The following ZNF831 variants were observed in gnomAD, a reference collection of about 807,000 sequenced individuals.
ZNF831 encodes chromosome 20 open reading frame 174.
Under a neutral mutation model 95.8 loss-of-function variants are expected in ZNF831, and 59 were observed. The observed-to-expected ratio is 0.62, with a 90% CI of 0.50 to 0.77. The LOEUF (loss-of-function observed/expected upper bound fraction) is 0.77. Ranked by LOEUF, ZNF831 falls within the 30% of genes least tolerant of loss-of-function variation. ZNF831 has a pLI of 0.00. For missense variants in ZNF831, 2,205 were observed against 2,164.0 expected (o/e 1.02, Z -0.38); for synonymous variants, 961 against 925.5 (o/e 1.04, Z -0.70).
At chr20:59,200,737 G>A (rs1017728968) in intron 3 of ZNF831, among the ~76,000 whole-genome samples, 8 of 151,794 alleles carry the variant, frequency 5.3e-5, no homozygotes, top group African/African-American at 1.9e-4. Flanking sequence ...TACAATATAT[G>A]CTCTCTTTTT....
chr20:59,209,173 C>CT (rs556835930), intron 4 of ZNF831, among the ~76,000 whole-genome samples: 81 of 152,326 alleles, frequency 5.3e-4, no homozygotes, highest in African/African-American at 1.8e-3. Flanking sequence ...TGTCGACGGT[C>CT]TGTCAGTGTG....
chr20:59,155,269 A>G (rs1484516872), intron 2 of ZNF831, among the ~76,000 whole-genome samples: 1 of 152,246 alleles, frequency 6.6e-6, no homozygotes, highest in East Asian at 1.9e-4. Context: ...AGTAGGAGGA[A>G]GGGAAGGAAG....
intron 1 of ZNF831, among the ~76,000 whole-genome samples, chr20:59,130,144 T>G (rs1399859390): frequency 1.3e-5 from 2 of 152,152 alleles, no homozygotes; most frequent in African/African-American, 4.8e-5. Context: ...AGGAAGGGCC[T>G]GGCACTTGGT....
At position 59,180,416 on chromosome 20, in the gene ZNF831, A is replaced by G. The variant is rs978087558; in HGVS notation, c.-36-10568A>G. On this transcript the variant is annotated intron_variant, in intron 1 of 5. Coordinates refer to ENST00000371030, the MANE Select transcript of ZNF831 (RefSeq NM_178457.3). ...TGTGCAGAACGTGCAGGCTTGTTAC[A>G]TAGGTATACATGTGCCATGGTGGTT... is the stretch of plus-strand genomic sequence containing the variant. 2.4e-4 allele frequency among the ~76,000 whole-genome samples: 37 copies of G among 152,272 alleles called. 1 individual carries two copies. Among genetic ancestry groups the G allele is most frequent in the African/African-American group, 8.4e-4 (35 of 41,554 alleles).
intron 4 of ZNF831, among the ~76,000 whole-genome samples, chr20:59,230,970 C>A (rs1986689427): frequency 6.6e-6 from 1 of 152,192 alleles, no homozygotes; most frequent in South Asian, 2.1e-4. Flanking sequence ...TTTCTTCTGT[C>A]CTGTTCCTCT....
intron 2 of ZNF831, among the ~76,000 whole-genome samples, chr20:59,152,871 A>G (rs1980326547): frequency 6.6e-6 from 1 of 152,150 alleles, no homozygotes; most frequent in African/African-American, 2.4e-5. Context: ...GCTGGCCTAC[A>G]TGGGCCCTGC....
chr20:59,133,311 C>T (rs1053092140), intron 1 of ZNF831, among the ~76,000 whole-genome samples: 30 of 142,748 alleles, frequency 2.1e-4, no homozygotes, highest in African/African-American at 7.3e-4. Flanking sequence ...TCCTGCATGA[C>T]GTCCGTAGGA....
chr20:59,167,829 G>A (rs1026852038), intron 1 of ZNF831, among the ~76,000 whole-genome samples: 14 of 151,848 alleles, frequency 9.2e-5, no homozygotes, highest in African/African-American at 3.4e-4. Flanking sequence ...AGCTGAGATC[G>A]TGCCACTGCA....
At chr20:59,253,870 T>TTTTTTTTTTCC in intron 5 of ZNF831, 28 bp from the exon 6 acceptor site, 1 of 474,068 alleles carries the variant, frequency 2.1e-6, no homozygotes, top group South Asian at 4.8e-5. Flanking sequence ...CCCCCCCCAC[T>TTTTTTTTTTCC]TTTTTTTTCC....
At chr20:59,187,303 A>G (rs1469617809) in intron 1 of ZNF831, among the ~76,000 whole-genome samples, 2 of 152,126 alleles carry the variant, frequency 1.3e-5, no homozygotes, top group Non-Finnish European at 2.9e-5. Context: ...TGGTCAGGTC[A>G]TGACGTGGAG....
At chr20:59,221,860 G>C (rs1986096788) in intron 4 of ZNF831, among the ~76,000 whole-genome samples, 1 of 152,192 alleles carries the variant, frequency 6.6e-6, no homozygotes. Context: ...GCCGGGAACG[G>C]ACAAAAGCCA....
chr20:59,246,478 G>T (rs562703368), intron 4 of ZNF831, among the ~76,000 whole-genome samples: 28 of 152,330 alleles, frequency 1.8e-4, no homozygotes, highest in African/African-American at 6.5e-4. Context: ...AAGTATATCA[G>T]CCAGTTTCTG....
intron 4 of ZNF831, among the ~76,000 whole-genome samples, chr20:59,244,602 TC>T (rs1483281174): frequency 6.6e-6 from 1 of 152,220 alleles, no homozygotes; most frequent in Non-Finnish European, 1.5e-5. Flanking sequence ...CCTGACAACT[TC>T]CAGCCACACT....
intron 2 of ZNF831, among the ~76,000 whole-genome samples, chr20:59,147,417 A>G (rs563147591): frequency 6.6e-6 from 1 of 152,336 alleles, no homozygotes; most frequent in Non-Finnish European, 1.5e-5. Flanking sequence ...TGTGTCCAGA[A>G]TGTTCTGCTC....
chr20:59,243,486 A>C (rs982447477), intron 4 of ZNF831, among the ~76,000 whole-genome samples: 1 of 152,194 alleles, frequency 6.6e-6, no homozygotes, highest in Non-Finnish European at 1.5e-5. Flanking sequence ...AAGTAGACAG[A>C]GGGAGGTGGG....
intron 4 of ZNF831, among the ~76,000 whole-genome samples, chr20:59,211,408 G>A (rs533331368): frequency 5.9e-5 from 9 of 152,360 alleles, no homozygotes; most frequent in Admixed American, 2.6e-4. Flanking sequence ...ATCAATCACT[G>A]CCTGCTCCTT....
Position 59,149,245 on chromosome 20 carries a change from A to G in ZNF831, c.-1281+2871A>G, listed in dbSNP as rs533819029. On this transcript the variant is annotated intron_variant, in intron 2 of 7. Transcript: ENST00000637017. ...CCTAGACTCCCTTTGCTGCTTTGCA[A>G]TTTCTTTCTGTGTGTGGAGGTCTGA... Among the ~76,000 whole-genome samples, 9 of 152,244 alleles carry G rather than the reference A, an allele frequency of 5.9e-5. No homozygotes were observed. In the East Asian group the frequency reaches 1.4e-3, roughly 23 times the overall value.
chr20:59,141,529 T>C (rs6015447), intron 1 of ZNF831, among the ~76,000 whole-genome samples: 36 of 152,348 alleles, frequency 2.4e-4, no homozygotes, highest in African/African-American at 7.7e-4. Flanking sequence ...GTCAAGCATA[T>C]TTGTGTGGGT....
chr20:59,196,058 C>A, intron 3 of ZNF831, 53 bp downstream of exon 3: 1 of 1,596,582 alleles, frequency 6.3e-7, no homozygotes, highest in Admixed American at 1.7e-5. Context: ...GAAGAATTTA[C>A]TATGGGATTT....
Sources: allele counts gnomAD v4.1 joint callset (sites outside exome capture counted in the v4.1 genomes callset), GRCh38; gene constraint gnomAD v4.1.1; transcripts MANE v1.5; gene names NCBI Gene and HGNC (gene_info 2026-07-23, HGNC 2026-07-21).